The following KBTBD12 variants were observed in gnomAD, a reference collection of about 807,000 sequenced individuals.
KBTBD12 encodes the protein kelch repeat and BTB domain-containing protein 12.
KBTBD12 carries 53 observed loss-of-function variants against 58.7 expected under a neutral mutation model. The ratio of observed to expected loss-of-function variants is 0.90; its 90% CI spans 0.72 to 1.14. The LOEUF (loss-of-function observed/expected upper bound fraction) is 1.14, where lower values mean the gene tolerates loss of function less well. Among genes scored for constraint, KBTBD12 ranks in the 50% most tolerant of loss-of-function variants. The pLI is 0.00. For missense variants in KBTBD12, 704 were observed against 751.3 expected (o/e 0.94, Z 0.74); for synonymous variants, 236 against 259.8 (o/e 0.91, Z 0.88).
chr3:127,930,050 G>A (rs1939665719), intron 3 of KBTBD12, 83 bp from the exon 4 acceptor site: 11 of 1,263,670 alleles, frequency 8.7e-6, no homozygotes, highest in Non-Finnish European at 1.2e-5. Flanking sequence ...CTCCTTGGCT[G>A]TCTGCTTTGA....
intron 4 of KBTBD12, 84 bp from the exon 5 acceptor site, chr3:127,963,105 G>T: frequency 8.2e-7 from 1 of 1,220,590 alleles, no homozygotes; most frequent in South Asian, 1.6e-5. Context: ...ATAAACCTTT[G>T]ATACAAACCA....
At chr3:127,934,723 A>G (rs969265107) in intron 4 of KBTBD12, among the ~76,000 whole-genome samples, 1 of 152,332 alleles carries the variant, frequency 6.6e-6, no homozygotes, top group Admixed American at 6.5e-5. Flanking sequence ...GAGACTTACC[A>G]GAAACAATAG....
At chr3:127,946,641 C>A (rs1019505713) in intron 4 of KBTBD12, among the ~76,000 whole-genome samples, 2 of 152,060 alleles carry the variant, frequency 1.3e-5, no homozygotes, top group African/African-American at 4.8e-5. Context: ...GTTCACTGTG[C>A]TTTTGGAATG....
Position 127,931,227 on chromosome 3 carries a change from G to T in KBTBD12, c.1492+944G>T, listed in dbSNP as rs117426020. Among the ~76,000 whole-genome samples the T allele has an allele frequency of 4.6e-3, 700 of 152,056 alleles. 25 individuals carry two copies. In the East Asian group the frequency reaches 0.098, roughly 21 times the overall value. On this transcript the variant is annotated intron_variant, in intron 4 of 5. Coordinates refer to ENST00000405109, the MANE Select transcript of KBTBD12 (RefSeq NM_207335.4). ...TCATGATGATTTTTTTTTTACTGAA[G>T]GGAGGCCATTATCTCTTAGCTGTTT...
Position 127,963,383 on chromosome 3 carries a change from G to A in KBTBD12, c.1687G>A (p.Ala563Thr). The A allele has an allele frequency of 6.2e-7, 1 of 1,605,122 alleles. No individual in the cohort carries two copies. Among genetic ancestry groups the A allele is most frequent in the Non-Finnish European group, 8.5e-7 (1 of 1,175,712 alleles). ...CTATGTCTGCGGGGGATTCCATGGA[G>A]CAGGTATGGGTCCAGTTTTAAACAT... The part of the protein sequence containing the change: ...KLYVCGGFHG[A>T]DRHEVISKEI... The change falls in exon 5 of 6, where the codon GCA (alanine) becomes ACA (threonine). Residue 563 changes from alanine (A) to threonine (T), a missense_variant. Coordinates refer to ENST00000405109, the MANE Select transcript of KBTBD12 (RefSeq NM_207335.4).
intron 4 of KBTBD12, among the ~76,000 whole-genome samples, chr3:127,943,239 T>C (rs6766308): frequency 0.19 from 28,850 of 152,174 alleles, 3,401 homozygotes; most frequent in Middle Eastern, 0.27. Flanking sequence ...ATAGTAGTTC[T>C]ATTTCTGTTT....
At chr3:127,942,892 G>A (rs1431845655) in intron 4 of KBTBD12, among the ~76,000 whole-genome samples, 2 of 152,084 alleles carry the variant, frequency 1.3e-5, no homozygotes, top group East Asian at 1.9e-4. Context: ...AGGTCAAAGA[G>A]GAAGCTGACC....
intron 4 of KBTBD12, among the ~76,000 whole-genome samples, chr3:127,961,954 G>A (rs1458756979): frequency 6.6e-6 from 1 of 152,216 alleles, no homozygotes; most frequent in Non-Finnish European, 1.5e-5. Context: ...TGAGATCAAA[G>A]CAGAGTTCTT....
At chr3:127,976,196 GA>G (rs1187037200) in intron 5 of KBTBD12, among the ~76,000 whole-genome samples, 1 of 152,032 alleles carries the variant, frequency 6.6e-6, no homozygotes, top group Non-Finnish European at 1.5e-5. Flanking sequence ...ACAATTTTAG[GA>G]ATTTTAACAT....
At chr3:127,937,900 A>G (rs1430176950) in intron 4 of KBTBD12, among the ~76,000 whole-genome samples, 1 of 152,206 alleles carries the variant, frequency 6.6e-6, no homozygotes, top group African/African-American at 2.4e-5. Flanking sequence ...GTTAAATTGC[A>G]TGTTTAATGT....
At chr3:127,959,268 C>A (rs1042143117) in intron 4 of KBTBD12, among the ~76,000 whole-genome samples, 6 of 152,196 alleles carry the variant, frequency 3.9e-5, no homozygotes, top group African/African-American at 7.2e-5. Flanking sequence ...CTATGCATTG[C>A]AAAATCCTTT....
chr3:127,976,957 C>T (rs1482288652), intron 5 of KBTBD12, among the ~76,000 whole-genome samples: 1 of 152,106 alleles, frequency 6.6e-6, no homozygotes, highest in Non-Finnish European at 1.5e-5. Context: ...ATTTCATCAT[C>T]CAGTTTCTTG....
At position 127,923,356 on chromosome 3, in the gene KBTBD12, G is replaced by A; in HGVS notation, c.295G>A (p.Ala99Thr). ...MYNAALEINN[A>T]NVQTVAMAAY... is the part of the protein sequence containing the mutation. ...CAATGCAGCTTTGGAGATCAATAAT[G>A]CCAATGTACAGACTGTAGCTATGGC... is the stretch of plus-strand genomic sequence containing the variant. The change falls in exon 2 of 6, where the codon GCC becomes ACC. Residue 99 changes from alanine (A) to threonine (T), a missense_variant. Ala to Thr is a moderately conservative substitution (Grantham distance 58). Transcript: ENST00000405109. 6.2e-7 allele frequency: 1 copy of A among 1,613,784 alleles called. No individual in the cohort carries two copies. The highest frequency in any genetic ancestry group is 8.5e-7 in the Non-Finnish European group (1 of 1,179,798).
intron 4 of KBTBD12, among the ~76,000 whole-genome samples, chr3:127,962,271 G>T (rs1348501459): frequency 6.6e-6 from 1 of 152,242 alleles, no homozygotes; most frequent in Non-Finnish European, 1.5e-5. Context: ...TGACCTTCCA[G>T]TGTGGACTTG....
chr3:127,986,366 AT>A lies in KBTBD12; in HGVS notation c.*2090del, dbSNP rs899761199. The A allele has an allele frequency of 6.6e-6, 1 of 152,650 alleles. No homozygotes were observed. The highest frequency in any genetic ancestry group is 2.4e-5 in the African/African-American group (1 of 41,456). 9.5% of individuals were successfully genotyped at this position (152,650 alleles called of 1,614,324 possible). Reference sequence around the variant, plus strand: ...AAATAATAAGCATGTTTTAGCTGCCATTATTATCATCACTGTCATTATCATT... The same window carrying A: ...AAATAATAAGCATGTTTTAGCTGCCATATTATCATCACTGTCATTATCATT... On this transcript the variant is annotated 3_prime_UTR_variant, in exon 6 of 6. Coordinates refer to ENST00000405109, the MANE Select transcript of KBTBD12 (RefSeq NM_207335.4).
intron 4 of KBTBD12, among the ~76,000 whole-genome samples, chr3:127,942,835 T>C (rs1228397747): frequency 6.6e-6 from 1 of 152,002 alleles, no homozygotes; most frequent in Middle Eastern, 3.2e-3. Context: ...GGACATGACC[T>C]TGGCTTCTGG....
At chr3:127,922,785 C>T (rs986927004) in intron 1 of KBTBD12, among the ~76,000 whole-genome samples, 165 bp from the exon 2 acceptor site, 9 of 152,112 alleles carry the variant, frequency 5.9e-5, no homozygotes, top group East Asian at 5.8e-4. Flanking sequence ...TTACTGTTTA[C>T]GTAATCAAAA....
At position 127,923,712 on chromosome 3, in the gene KBTBD12, G is replaced by GAA. The variant is rs1434425883; in HGVS notation, c.652_653dup (p.Gln219SerfsTer8). 3 of 1,613,724 alleles carry GAA rather than the reference G, an allele frequency of 1.9e-6. No homozygotes were observed. The highest frequency in any genetic ancestry group is 2.5e-6 in the Non-Finnish European group (3 of 1,179,836). On this transcript the variant is annotated frameshift_variant, in exon 2 of 6. Transcript: ENST00000405109. LOFTEE classifies it high-confidence loss of function. ...GTACAGTGCATCTTGTTGAGCTTTT[G>GAA]AAGCAAGTCAGATTGGAACTTGTAA...
intron 1 of KBTBD12, among the ~76,000 whole-genome samples, chr3:127,916,378 T>G (rs1193666216): frequency 6.6e-6 from 1 of 152,126 alleles, no homozygotes. Flanking sequence ...ATGGTGTTGC[T>G]GAAACAAAAT....
Sources: allele counts gnomAD v4.1 joint callset (sites outside exome capture counted in the v4.1 genomes callset), GRCh38; gene constraint gnomAD v4.1.1; transcripts MANE v1.5; gene names NCBI Gene and HGNC (gene_info 2026-07-23, HGNC 2026-07-21).